Variants in DNAH14 observed in about 807,000 individuals in gnomAD.
DNAH14 encodes the protein axonemal beta dynein heavy chain 14.
In DNAH14, 478 loss-of-function variants were observed where a neutral mutation model predicts 520.9. That is an observed-to-expected ratio of 0.92 (90% CI 0.85 to 0.99). DNAH14 has a LOEUF of 0.99. Among genes scored for constraint, DNAH14 ranks in the 50% least tolerant of loss-of-function variants. DNAH14 has a pLI of 0.00. For synonymous variants in DNAH14, 1,581 were observed against 1,757.2 expected, an observed-to-expected ratio of 0.90 and a Z score of 2.51; for missense variants, 4,831 against 5,234.5, an observed-to-expected ratio of 0.92 and a Z score of 2.38.
At position 225,174,018 on chromosome 1, in the gene DNAH14, A is replaced by G. The variant is rs1479914464; in HGVS notation, c.5535+5990A>G. On this transcript the variant is annotated intron_variant, in intron 36 of 85. Coordinates refer to ENST00000682510, the MANE Select transcript of DNAH14 (RefSeq NM_001367479.1). ...CAGCAAACTATCGCAAGGACAAAAA[A>G]CCAAACACCGCATGTTCTCACTCAT... is the stretch of plus-strand genomic sequence containing the variant. 3.9e-5 allele frequency among the ~76,000 whole-genome samples: 6 copies of G among 152,258 alleles called. No individual in the cohort carries two copies. In the East Asian group the frequency reaches 1.2e-3, roughly 29 times the overall value.
intron 77 of DNAH14, among the ~76,000 whole-genome samples, chr1:225,374,013 G>GTGGGAGAATCGCCTTAGC (rs539063149): frequency 0.012 from 1,836 of 149,640 alleles, 13 homozygotes; most frequent in Non-Finnish European, 0.019. Context: ...AAAAGCTGAG[G>GTGGGAGAATCGCCTTAGC]TGGGAGAATC....
intron 55 of DNAH14, among the ~76,000 whole-genome samples, 163 bp from the exon 56 acceptor site, chr1:225,300,706 A>G (rs1309815592): frequency 1.3e-5 from 2 of 151,762 alleles, no homozygotes; most frequent in Admixed American, 6.6e-5. Flanking sequence ...CTTTGTCTCA[A>G]AAAAAAAGGT....
chr1:225,298,262 G>A (rs2094057666), intron 55 of DNAH14, among the ~76,000 whole-genome samples: 1 of 152,176 alleles, frequency 6.6e-6, no homozygotes, highest in Admixed American at 6.5e-5. Flanking sequence ...TGTTGGGCAG[G>A]CCAGGGGCAT....
intron 38 of DNAH14, among the ~76,000 whole-genome samples, chr1:225,194,086 T>C (rs562062429): frequency 3.3e-5 from 5 of 152,168 alleles, no homozygotes; most frequent in Admixed American, 1.3e-4. Flanking sequence ...TGGTCATGGA[T>C]TGGAAGATTC....
chr1:225,100,915 T>A, intron 23 of DNAH14, 31 bp downstream of exon 23: 1 of 1,429,926 alleles, frequency 7.0e-7, no homozygotes, highest in Non-Finnish European at 9.2e-7. Context: ...AAGCAGTGAA[T>A]CATTTAACAA....
intron 1 of DNAH14, among the ~76,000 whole-genome samples, chr1:224,937,225 A>G (rs1267880401): frequency 2.0e-5 from 3 of 152,058 alleles, no homozygotes; most frequent in Non-Finnish European, 4.4e-5. Flanking sequence ...AAGCAAGAGA[A>G]AGAAAGGTCA....
intron 38 of DNAH14, among the ~76,000 whole-genome samples, chr1:225,194,305 A>T (rs2085834160): frequency 6.6e-6 from 1 of 152,174 alleles, no homozygotes; most frequent in Admixed American, 6.6e-5. Context: ...CATGATACTT[A>T]TACAAATGCA....
At chr1:225,332,285 CAG>C (rs1487317763) in intron 65 of DNAH14, among the ~76,000 whole-genome samples, 1 of 152,108 alleles carries the variant, frequency 6.6e-6, no homozygotes, top group East Asian at 1.9e-4. Context: ...TTTATGAAAA[CAG>C]ACCAATCAAA....
chr1:225,138,764 C>G (rs1327225319), intron 27 of DNAH14, among the ~76,000 whole-genome samples: 1 of 152,162 alleles, frequency 6.6e-6, no homozygotes, highest in Non-Finnish European at 1.5e-5. Context: ...TGGCTCCATG[C>G]TATTCCCCGC....
chr1:225,375,561 G>C (rs1558566616), intron 78 of DNAH14, among the ~76,000 whole-genome samples: 1 of 152,154 alleles, frequency 6.6e-6, no homozygotes, highest in Non-Finnish European at 1.5e-5. Flanking sequence ...GTCATATCCA[G>C]GTTGTCTGTC....
intron 23 of DNAH14, among the ~76,000 whole-genome samples, chr1:225,106,962 A>C (rs1307389548): frequency 2.0e-5 from 3 of 152,088 alleles, no homozygotes; most frequent in Non-Finnish European, 4.4e-5. Context: ...TCTGATTTTT[A>C]GAGTTTCCAT....
chr1:225,147,822 G>T (rs1192120178), intron 31 of DNAH14, among the ~76,000 whole-genome samples: 1 of 152,078 alleles, frequency 6.6e-6, no homozygotes, highest in Non-Finnish European at 1.5e-5. Context: ...AGTATCAGTT[G>T]TTCCTCACTA....
intron 17 of DNAH14, among the ~76,000 whole-genome samples, chr1:225,057,754 G>A (rs1423270139): frequency 6.6e-6 from 1 of 152,132 alleles, no homozygotes; most frequent in Non-Finnish European, 1.5e-5. Flanking sequence ...GTTGAATTTT[G>A]TCAAAGGCCT....
chr1:225,206,074 C>T lies in DNAH14; in HGVS notation c.6081C>T (p.Asn2027=). ...LDDTRTLCLA[N]SERIALTNKI... ...ATACTAGAACATTGTGCCTAGCAAA[C>T]AGTGAGAGAATAGCTTTAACTAATA... The change falls in exon 40 of 86, where the codon AAC becomes AAT. Residue 2027 remains asparagine (N), a synonymous_variant. Coordinates refer to ENST00000682510, the MANE Select transcript of DNAH14 (RefSeq NM_001367479.1). 1 of 1,551,512 alleles carries T rather than the reference C, an allele frequency of 6.4e-7. No individual in the cohort carries two copies. Among genetic ancestry groups the T allele is most frequent in the Non-Finnish European group, 8.7e-7 (1 of 1,146,842 alleles).
At chr1:225,253,464 T>A (rs2092629077) in intron 44 of DNAH14, among the ~76,000 whole-genome samples, 1 of 152,130 alleles carries the variant, frequency 6.6e-6, no homozygotes, top group South Asian at 2.1e-4. Context: ...AACCCAAACC[T>A]GTAACAAGAA....
intron 10 of DNAH14, among the ~76,000 whole-genome samples, chr1:225,018,405 C>T (rs1428366389): frequency 6.6e-6 from 1 of 152,134 alleles, no homozygotes. Context: ...AGAGATCAAA[C>T]AGCAAAGGTT....
At chr1:224,993,067 G>A (rs575451122) in intron 8 of DNAH14, among the ~76,000 whole-genome samples, 1 of 152,152 alleles carries the variant, frequency 6.6e-6, no homozygotes, top group South Asian at 2.1e-4. Flanking sequence ...GTTGACTTTG[G>A]TAAATAATCC....
At chr1:225,019,690 C>G (rs2065504631) in intron 10 of DNAH14, among the ~76,000 whole-genome samples, 1 of 152,132 alleles carries the variant, frequency 6.6e-6, no homozygotes, top group Admixed American at 6.5e-5. Context: ...TCAACTAAAT[C>G]ACAAAAATCA....
chr1:224,991,666 T>C (rs555023872), intron 8 of DNAH14, among the ~76,000 whole-genome samples: 4 of 152,172 alleles, frequency 2.6e-5, no homozygotes, highest in African/African-American at 9.6e-5. Context: ...CTTTCCTTTT[T>C]TTCTTTTCAG....
Sources: allele counts gnomAD v4.1 joint callset (sites outside exome capture counted in the v4.1 genomes callset), GRCh38; gene constraint gnomAD v4.1.1; transcripts MANE v1.5; gene names NCBI Gene and HGNC (gene_info 2026-07-23, HGNC 2026-07-21).